Variants in IFI30 observed in about 807,000 individuals in gnomAD.
IFI30 encodes the protein IFI30 lysosomal thiol reductase, also known as gamma-interferon-inducible lysosomal thiol reductase.
A neutral mutation model predicts 30.1 loss-of-function variants in IFI30; 26 were observed. That is an observed-to-expected ratio of 0.87 (90% confidence interval 0.63 to 1.20). IFI30 has a LOEUF of 1.20. IFI30 is among the 50% of genes most tolerant of loss of function. The pLI, the probability that IFI30 is intolerant of heterozygous loss-of-function variation, is 0.00. For missense variants in IFI30, 296 were observed against 312.5 expected (o/e 0.95, Z 0.40); for synonymous variants, 149 against 134.5 (o/e 1.11, Z -0.75).
chr19:18,175,762 G>T, intron 4 of IFI30, 65 bp downstream of exon 4: 1 of 1,283,854 alleles, frequency 7.8e-7, no homozygotes, highest in Non-Finnish European at 1.1e-6. Context: ...CTGCATCCAG[G>T]CAGACCCAAA....
intron 4 of IFI30, among the ~76,000 whole-genome samples, chr19:18,176,516 G>C (rs145545462): frequency 7.9e-5 from 12 of 152,234 alleles, no homozygotes; most frequent in African/African-American, 2.9e-4. Context: ...AGGAGCATGA[G>C]TGATCACAGA....
intron 1 of IFI30, chr19:18,174,265 T>C: frequency 3.1e-6 from 1 of 320,310 alleles, no homozygotes; most frequent in Non-Finnish European, 5.8e-6. Context: ...GGAGCTGGGG[T>C]CTCCTTTTGT....
At chr19:18,177,326 A>G in intron 5 of IFI30, 34 bp downstream of exon 5, 2 of 1,558,998 alleles carry the variant, frequency 1.3e-6, no homozygotes, top group African/African-American at 1.4e-5. Context: ...CTTGACACTC[A>G]TAGTCCCATG....
In IFI30 at chr19:18,177,123, G is replaced by A. The variant is rs368358569; in HGVS notation, c.484-17G>A. On this transcript the variant is annotated splice_polypyrimidine_tract_variant and intron_variant, in intron 4 of 6. Transcript: ENST00000407280. ...GGGGAGGAAGCTGAGGCAACCCCCT[G>A]CTCCCCACCCACCCAGTGCCTGCAG... 1.2e-5 allele frequency: 19 copies of A among 1,530,846 alleles called. No homozygotes were observed. In the East Asian group the frequency reaches 4.2e-4, roughly 34 times the overall value. The allele number at this position is 1,530,846 out of a possible 1,614,324, so 94.8% of individuals were successfully genotyped here. A position where few individuals can be genotyped will look rare whatever the true frequency, so the allele number is the denominator to read the frequency against.
intron 3 of IFI30, 95 bp downstream of exon 3, chr19:18,175,480 G>C: frequency 1.4e-6 from 2 of 1,399,880 alleles, no homozygotes; most frequent in Non-Finnish European, 2.0e-6. Context: ...TCTGCCTCGT[G>C]TGCTCCCATT....
intron 5 of IFI30, 105 bp from the exon 6 acceptor site, chr19:18,177,606 G>A (rs555420144): frequency 8.2e-6 from 11 of 1,340,400 alleles, no homozygotes; most frequent in Admixed American, 5.9e-5. Context: ...GGCGGGAGGC[G>A]GGGGCCAGAC....
chr19:18,177,661 G>C, intron 5 of IFI30, 50 bp from the exon 6 acceptor site: 1 of 1,603,358 alleles, frequency 6.2e-7, no homozygotes, highest in East Asian at 2.2e-5. Flanking sequence ...CAGGGTGCAT[G>C]GGTTGGGGTA....
chr19:18,177,723 G>T lies in IFI30; in HGVS notation c.649G>T (p.Asp217Tyr), dbSNP rs1967290000. ...TTGCTTTGTGCAGAAACCCTTGGAA[G>T]ATCAGACCCAGCTCCTTACCCTTGT... ...WVTVNGKPLE[D>Y]QTQLLTLVCQ... Residue 217 changes from aspartate to tyrosine, a missense_variant, in exon 6 of 7, where the codon GAT becomes TAT. Physicochemically the swap from Asp to Tyr is radical, Grantham distance 160 (BLOSUM62 -3). Transcript: ENST00000407280. The T allele has an allele frequency of 1.2e-6, 2 of 1,613,868 alleles. No individual in the cohort carries two copies. Among genetic ancestry groups the T allele is most frequent in the East Asian group, 2.2e-5 (1 of 44,878 alleles).
chr19:18,175,177 C>T lies in IFI30; in HGVS notation c.270C>T (p.Val90=). 1 of 1,602,120 alleles carries T rather than the reference C, an allele frequency of 6.2e-7. No homozygotes were observed. Among genetic ancestry groups the T allele is most frequent in the Middle Eastern group, 1.7e-4 (1 of 6,046 alleles). The change falls in exon 2 of 7, where the codon GTC becomes GTT. Residue 90 remains valine (V), a synonymous_variant. Coordinates refer to ENST00000407280, the MANE Select transcript of IFI30 (RefSeq NM_006332.5). The part of the protein sequence containing the change: ...IRELFPTWLL[V]MEILNVTLVP... ...AGCTCTTCCCAACATGGCTGTTGGT[C>T]ATGGAGATCCTCAATGTCACGCTGG... is the stretch of plus-strand genomic sequence containing the variant.
rs1251153541 is a variant in IFI30 at position 18,178,025 on chromosome 19, A to G, written c.*114A>G. On this transcript the variant is annotated 3_prime_UTR_variant, in exon 7 of 7. Coordinates refer to ENST00000407280, the MANE Select transcript of IFI30 (RefSeq NM_006332.5). The stretch of plus-strand genomic sequence containing the variant: ...ACTTACCAACTGGAAAATTTTATGC[A>G]TCCCATGAAGCCCAGATACACAAAA... 6 of 1,022,742 alleles carry G rather than the reference A, an allele frequency of 5.9e-6. No individual in the cohort carries two copies. Among genetic ancestry groups the G allele is most frequent in the Non-Finnish European group, 7.4e-6 (5 of 673,446 alleles). 63.4% of individuals were successfully genotyped at this position (1,022,742 alleles called of 1,614,324 possible). A position where few individuals can be genotyped will look rare whatever the true frequency, so the allele number is the denominator to read the frequency against.
intron 1 of IFI30, 103 bp from the exon 2 acceptor site, chr19:18,174,937 T>C (rs1967247760): frequency 1.1e-6 from 1 of 874,428 alleles, no homozygotes; most frequent in Non-Finnish European, 1.7e-6. Flanking sequence ...GCAAGATGAA[T>C]TGCGTATCAC....
intron 4 of IFI30, among the ~76,000 whole-genome samples, chr19:18,175,985 G>A (rs1165355041): frequency 6.6e-6 from 1 of 151,952 alleles, no homozygotes; most frequent in Non-Finnish European, 1.5e-5. Context: ...TGGGATTACA[G>A]TTGTGTGCCA....
At chr19:18,175,721 C>T (rs963945597) in intron 4 of IFI30, 24 bp downstream of exon 4, 5 of 1,560,106 alleles carry the variant, frequency 3.2e-6, no homozygotes, top group Admixed American at 3.6e-5. Context: ...CTCACTCCAC[C>T]CAAGGAGGGG....
intron 4 of IFI30, among the ~76,000 whole-genome samples, chr19:18,176,810 G>A (rs559468842): frequency 6.6e-5 from 10 of 152,324 alleles, no homozygotes; most frequent in African/African-American, 9.6e-5. Flanking sequence ...AGACACTGTG[G>A]AAGGAGGATG....
intron 1 of IFI30, 89 bp from the exon 2 acceptor site, chr19:18,174,951 C>A: frequency 1.9e-6 from 2 of 1,033,836 alleles, no homozygotes; most frequent in Non-Finnish European, 2.8e-6. Context: ...GTATCACAGC[C>A]CCCTTTCTAC....
intron 1 of IFI30, 101 bp downstream of exon 1, chr19:18,174,074 C>T (rs930095307): frequency 4.5e-6 from 5 of 1,113,636 alleles, no homozygotes; most frequent in Non-Finnish European, 6.2e-6. Context: ...AAGACCAGGG[C>T]CCCGAGGGGA....
chr19:18,177,924 T>C lies in IFI30; in HGVS notation c.*13T>C, dbSNP rs1967293181. On this transcript the variant is annotated 3_prime_UTR_variant, in exon 7 of 7. Coordinates refer to ENST00000407280, the MANE Select transcript of IFI30 (RefSeq NM_006332.5). ...TTGCTTCAAGTGATGGCCGGTGAGC[T>C]GCGGAGAGCTCATGGAAGGCGAGTG... 1 of 1,578,256 alleles carries C rather than the reference T, an allele frequency of 6.3e-7. No individual in the cohort carries two copies. Among genetic ancestry groups the C allele is most frequent in the East Asian group, 2.3e-5 (1 of 43,010 alleles).
Position 18,175,389 on chromosome 19 carries a change from A to G in IFI30, c.390+4A>G. ...GTGCAAATTCAACAAGGTGGAGGTG[A>G]GCGGCCCCAGGGCCCCACACTGGGG... On this transcript the variant is annotated splice_donor_region_variant and intron_variant, in intron 3 of 6. Transcript: ENST00000407280. 6.3e-7 allele frequency: 1 copy of G among 1,584,328 alleles called. No individual in the cohort carries two copies.
intron 5 of IFI30, chr19:18,177,506 A>C: frequency 1.3e-6 from 1 of 762,334 alleles, no homozygotes; most frequent in Non-Finnish European, 2.2e-6. Context: ...GGTGAGTAGG[A>C]GTCCATCAGG....
Sources: allele counts gnomAD v4.1 joint callset (sites outside exome capture counted in the v4.1 genomes callset), GRCh38; gene constraint gnomAD v4.1.1; transcripts MANE v1.5; gene names NCBI Gene and HGNC (gene_info 2026-07-23, HGNC 2026-07-21).